The following REEP3 variants were observed in gnomAD, a reference collection of about 807,000 sequenced individuals.
REEP3 encodes the protein receptor accessory protein 3, also known as receptor expression-enhancing protein 3.
REEP3 carries 20 observed loss-of-function variants against 41.3 expected under a neutral mutation model. The observed-to-expected ratio is 0.48, with a 90% CI of 0.34 to 0.70. REEP3 has a LOEUF of 0.70. Ranked by LOEUF, REEP3 falls within the 30% of genes least tolerant of loss-of-function variation. The probability of loss-of-function intolerance (pLI) is 0.01; values close to 1 mark genes in which losing one functional copy is unlikely to be tolerated. For missense variants in REEP3, 271 were observed against 308.8 expected, an observed-to-expected ratio of 0.88 and a Z score of 0.92; for synonymous variants, 104 against 101.8, an observed-to-expected ratio of 1.02 and a Z score of -0.13.
At chr10:63,581,506 T>C (rs1376163604) in intron 2 of REEP3, among the ~76,000 whole-genome samples, 1 of 152,190 alleles carries the variant, frequency 6.6e-6, no homozygotes, top group Non-Finnish European at 1.5e-5. Context: ...TTTGGGAGGC[T>C]GAGGTAGGAG....
At position 63,622,118 on chromosome 10, in the gene REEP3, G is replaced by A. The variant is rs1226299327; in HGVS notation, c.*1249G>A. ...AGTCAATATATTTTTGGTGGTTTTA[G>A]TGATCAGTAATCAAATTTGTACTTA... On this transcript the variant is annotated 3_prime_UTR_variant, in exon 8 of 8. Coordinates refer to ENST00000373758, the MANE Select transcript of REEP3 (RefSeq NM_001001330.3). The A allele has an allele frequency of 6.6e-6, 1 of 152,144 alleles. No individual in the cohort carries two copies. The highest frequency in any genetic ancestry group is 2.1e-4 in the South Asian group (1 of 4,828). The allele number at this position is 152,144 out of a possible 1,614,324, so 9.4% of individuals were successfully genotyped here.
intron 1 of REEP3, among the ~76,000 whole-genome samples, chr10:63,527,826 A>G (rs1362397969): frequency 1.3e-5 from 2 of 152,222 alleles, no homozygotes; most frequent in African/African-American, 4.8e-5. Flanking sequence ...TCTCAGATCA[A>G]TAGTGACCGC....
rs1440251375 is a variant in REEP3, at chr10:63,624,315, A to G, written c.*3446A>G. On this transcript the variant is annotated 3_prime_UTR_variant, in exon 8 of 8. Coordinates refer to ENST00000373758, the MANE Select transcript of REEP3 (RefSeq NM_001001330.3). ...AAAGAAAATTATAGCTTTTTTCCCA[A>G]AATATTTTTAAGATTTAATCTTTTT... The G allele has an allele frequency of 6.6e-6, 1 of 152,112 alleles. No individual in the cohort carries two copies. The highest frequency in any genetic ancestry group is 1.5e-5 in the Non-Finnish European group (1 of 67,970). 9.4% of individuals were successfully genotyped at this position (152,112 alleles called of 1,614,324 possible). A position where few individuals can be genotyped will look rare whatever the true frequency, so the allele number is the denominator to read the frequency against.
At chr10:63,599,130 AT>A in intron 4 of REEP3, 39 bp from the exon 5 acceptor site, 1 of 1,018,736 alleles carries the variant, frequency 9.8e-7, no homozygotes, top group Non-Finnish European at 1.5e-6. Flanking sequence ...TATTAACACT[AT>A]TTTTAAGTAA....
intron 6 of REEP3, among the ~76,000 whole-genome samples, chr10:63,613,607 C>A (rs1384217479): frequency 6.6e-6 from 1 of 151,948 alleles, no homozygotes; most frequent in Non-Finnish European, 1.5e-5. Flanking sequence ...GGTTCTAGGA[C>A]CGGAATAGGT....
chr10:63,620,720 TAAA>T (rs920691754), intron 7 of REEP3, 90 bp from the exon 8 acceptor site: 1 of 761,244 alleles, frequency 1.3e-6, no homozygotes, highest in South Asian at 2.1e-5. Flanking sequence ...ATCAAAAAGG[TAAA>T]AAAATTACTA....
chr10:63,572,099 A>G (rs3847326), intron 2 of REEP3, among the ~76,000 whole-genome samples: 70,899 of 151,950 alleles, frequency 0.47, 16,806 homozygotes, highest in Middle Eastern at 0.55. Context: ...CATTGAAATC[A>G]CATGTGAACA....
chr10:63,575,425 C>G (rs1290407521), intron 2 of REEP3, among the ~76,000 whole-genome samples: 1 of 152,142 alleles, frequency 6.6e-6, no homozygotes, highest in Non-Finnish European at 1.5e-5. Flanking sequence ...ATCTGGGAAT[C>G]CTTTTTCCTT....
chr10:63,593,336 G>C (rs561485885), intron 2 of REEP3, among the ~76,000 whole-genome samples: 2 of 152,122 alleles, frequency 1.3e-5, no homozygotes, highest in Admixed American at 1.3e-4. Flanking sequence ...CCCTACATTG[G>C]GCAGTTTCTC....
chr10:63,527,531 A>G (rs954955694), intron 1 of REEP3, among the ~76,000 whole-genome samples: 1 of 151,970 alleles, frequency 6.6e-6, no homozygotes, highest in Non-Finnish European at 1.5e-5. Flanking sequence ...AAACAAAAAA[A>G]TTAGCTGGGC....
At chr10:63,606,280 TCTTTCTTTC>T (rs1264642908) in intron 5 of REEP3, among the ~76,000 whole-genome samples, 3 of 151,676 alleles carry the variant, frequency 2.0e-5, no homozygotes, top group Admixed American at 6.6e-5. Flanking sequence ...TCTTTCTTTT[TCTTTCTTTC>T]CTTTCTTTCT....
chr10:63,531,806 C>T (rs1044481133), intron 1 of REEP3, among the ~76,000 whole-genome samples: 1 of 152,064 alleles, frequency 6.6e-6, no homozygotes, highest in Non-Finnish European at 1.5e-5. Context: ...GAGAGAAATT[C>T]TATAATGATA....
chr10:63,525,550 C>G (rs1216692911), intron 1 of REEP3, among the ~76,000 whole-genome samples: 2 of 152,118 alleles, frequency 1.3e-5, no homozygotes, highest in Non-Finnish European at 2.9e-5. Context: ...TCCCAAGTGG[C>G]TGGGATTACA....
intron 6 of REEP3, among the ~76,000 whole-genome samples, chr10:63,618,493 C>T (rs1267120726): frequency 2.6e-5 from 4 of 151,920 alleles, no homozygotes; most frequent in Non-Finnish European, 2.9e-5. Flanking sequence ...ATGATCCACC[C>T]GCCTGGGCCT....
At position 63,521,534 on chromosome 10, in the gene REEP3, GC is replaced by G; in HGVS notation, c.-7del. On this transcript the variant is annotated 5_prime_UTR_variant, in exon 1 of 8. Coordinates refer to ENST00000373758, the MANE Select transcript of REEP3 (RefSeq NM_001001330.3). Reference sequence around the variant, plus strand: ...CACCCGCCCCGGACGTGGGGCCCAAGCCCCCGTGAAGATGGTGTCCTGGATG... The same window carrying G: ...CACCCGCCCCGGACGTGGGGCCCAAGCCCCGTGAAGATGGTGTCCTGGATG... 7.1e-7 allele frequency: 1 copy of G among 1,417,118 alleles called. No individual in the cohort carries two copies. Among genetic ancestry groups the G allele is most frequent in the Non-Finnish European group, 9.3e-7 (1 of 1,073,204 alleles). The allele number at this position is 1,417,118 out of a possible 1,614,324, so 87.8% of individuals were successfully genotyped here.
intron 1 of REEP3, among the ~76,000 whole-genome samples, chr10:63,541,580 A>G (rs898636531): frequency 2.0e-5 from 3 of 152,232 alleles, no homozygotes; most frequent in African/African-American, 7.2e-5. Context: ...CCAGTATACA[A>G]TTTGCTGAAC....
At chr10:63,575,887 C>A (rs1955894976) in intron 2 of REEP3, among the ~76,000 whole-genome samples, 1 of 152,150 alleles carries the variant, frequency 6.6e-6, no homozygotes, top group Admixed American at 6.5e-5. Flanking sequence ...GCATGTGCCA[C>A]CAGGCCCAGC....
intron 5 of REEP3, chr10:63,606,216 G>A: frequency 4.1e-6 from 1 of 243,036 alleles, no homozygotes; most frequent in Non-Finnish European, 5.6e-6. Context: ...CCTCTTTATT[G>A]ACTAAGACCG....
chr10:63,618,609 G>A (rs1457528630), intron 6 of REEP3, among the ~76,000 whole-genome samples: 1 of 152,186 alleles, frequency 6.6e-6, no homozygotes, highest in Non-Finnish European at 1.5e-5. Flanking sequence ...CTGGTTGTCT[G>A]AGACTTGGGC....
Sources: allele counts gnomAD v4.1 joint callset (sites outside exome capture counted in the v4.1 genomes callset), GRCh38; gene constraint gnomAD v4.1.1; transcripts MANE v1.5; gene names NCBI Gene and HGNC (gene_info 2026-07-23, HGNC 2026-07-21).